The following ABCA6 variants were observed in gnomAD, a reference collection of about 807,000 sequenced individuals.
ABCA6 encodes ATP binding cassette subfamily A member 6.
A neutral mutation model predicts 191.2 loss-of-function variants in ABCA6; 164 were observed. The ratio of observed to expected loss-of-function variants is 0.86; its 90% CI spans 0.76 to 0.98. ABCA6 has a LOEUF of 0.98. Ranked by LOEUF, ABCA6 falls within the 50% of genes least tolerant of loss-of-function variation. The probability of loss-of-function intolerance (pLI) is 0.00; values close to 1 mark genes in which losing one functional copy is unlikely to be tolerated. For synonymous variants in ABCA6, 636 were observed against 647.7 expected (o/e 0.98, Z 0.27); for missense variants, 1,958 against 1,894.1 (o/e 1.03, Z -0.63).
At chr17:69,111,437 CAT>C (rs1359307711) in intron 16 of ABCA6, 2 of 152,926 alleles carry the variant, frequency 1.3e-5, no homozygotes, top group East Asian at 1.9e-4. Context: ...ATAATTCCCA[CAT>C]GTCATAGGAG....
chr17:69,105,402 T>G, intron 20 of ABCA6, 60 bp downstream of exon 20: 11 of 1,354,818 alleles, frequency 8.1e-6, no homozygotes, highest in East Asian at 5.2e-5. Flanking sequence ...CCCCACCTCC[T>G]GTGCTATTCA....
At chr17:69,084,136 T>C in intron 34 of ABCA6, 125 bp downstream of exon 34, 1 of 792,278 alleles carries the variant, frequency 1.3e-6, no homozygotes, top group Non-Finnish European at 2.0e-6. Context: ...GTTTTCCTGA[T>C]AATATAAATT....
In ABCA6 at chr17:69,082,939, G is replaced by T. The variant is rs377673526; in HGVS notation, c.4550C>A (p.Thr1517Lys). ...DYILELKVKETSQVTLVHTEI... is the reference protein window; with the variant it reads ...DYILELKVKEKSQVTLVHTEI... ...AGTGTGGACCAAAGTCACTTGAGACGTTTCCTTCACTTTTAGCTCTAGAAT... is the reference window on the plus strand; with the variant it reads ...AGTGTGGACCAAAGTCACTTGAGACTTTTCCTTCACTTTTAGCTCTAGAAT... The change falls in exon 36 of 39, where the codon ACG becomes AAG. Residue 1517 changes from threonine (T) to lysine (K), a missense_variant. Physicochemically the swap from Thr to Lys is moderately conservative, Grantham distance 78 (BLOSUM62 -1). Transcript: ENST00000284425. 26 of 1,614,064 alleles carry T rather than the reference G, an allele frequency of 1.6e-5. No individual in the cohort carries two copies. In the African/African-American group the frequency reaches 3.3e-4, roughly 21 times the overall value.
rs144256500 is a variant in ABCA6 at position 69,086,658 on chromosome 17, C to A, written c.3897G>T (p.Lys1299Asn). 1.7e-5 allele frequency: 27 copies of A among 1,612,638 alleles called. No homozygotes were observed. The highest frequency in any genetic ancestry group is 1.1e-4 in the African/African-American group (8 of 74,838). ...QKKSCFSKRKKKIAARNISFC... is the reference protein window; with the variant it reads ...QKKSCFSKRKNKIAARNISFC... ...AAGAGATATTTCTTGCTGCTATTTTCTTCTTCCTCTTTGAAAAGCAACTTT... is the reference window on the plus strand; with the variant it reads ...AAGAGATATTTCTTGCTGCTATTTTATTCTTCCTCTTTGAAAAGCAACTTT... The change falls in exon 30 of 39, where the codon AAG becomes AAT. Residue 1299 changes from lysine to asparagine, a missense_variant. Lys to Asn is a moderately conservative substitution (Grantham distance 94, BLOSUM62 0). Transcript: ENST00000284425.
At chr17:69,095,751 G>A (rs1016953406) in intron 25 of ABCA6, among the ~76,000 whole-genome samples, 1 of 152,278 alleles carries the variant, frequency 6.6e-6, no homozygotes, top group East Asian at 1.9e-4. Context: ...GGGCACTCTG[G>A]TGTCTCTAGA....
At chr17:69,121,904 G>T (rs2073654182) in intron 10 of ABCA6, among the ~76,000 whole-genome samples, 1 of 152,006 alleles carries the variant, frequency 6.6e-6, no homozygotes, top group African/African-American at 2.4e-5. Flanking sequence ...CTCCTAGCTA[G>T]AGCAGAGGAA....
At chr17:69,109,375 CA>C (rs2073373502) in intron 17 of ABCA6, 1 of 152,154 alleles carries the variant, frequency 6.6e-6, no homozygotes, top group Admixed American at 6.6e-5. Flanking sequence ...AAACATTACA[CA>C]AAGAGCAAGT....
Position 69,115,337 on chromosome 17 carries a change from A to G in ABCA6, c.1606+39T>C, listed in dbSNP as rs201706316. 4.1e-6 allele frequency: 6 copies of G among 1,478,110 alleles called. No individual in the cohort carries two copies. The East Asian group carries it at 9.1e-5, about 23-fold the overall frequency. 91.6% of individuals were successfully genotyped at this position (1,478,110 alleles called of 1,614,324 possible). ...GGCATATGCTTGACCTCATTCTATT[A>G]TAAGACATCTTGCCTTTGAGAAATT... On this transcript the variant is annotated intron_variant, in intron 12 of 38. Coordinates refer to ENST00000284425, the MANE Select transcript of ABCA6 (RefSeq NM_080284.3).
chr17:69,105,931 G>A (rs2073291821), intron 19 of ABCA6, 97 bp downstream of exon 19: 1 of 1,311,302 alleles, frequency 7.6e-7, no homozygotes, highest in Non-Finnish European at 1.0e-6. Flanking sequence ...CCCGTGGCAG[G>A]AATGTCAGAT....
chr17:69,118,214 T>G (rs2073571948), intron 10 of ABCA6, among the ~76,000 whole-genome samples: 1 of 152,072 alleles, frequency 6.6e-6, no homozygotes, highest in Non-Finnish European at 1.5e-5. Flanking sequence ...TGTGTAATTA[T>G]CCTCACTTTC....
At chr17:69,115,297 A>C (rs200663094) in intron 12 of ABCA6, 79 bp downstream of exon 12, 2 of 1,016,916 alleles carry the variant, frequency 2.0e-6, no homozygotes, top group East Asian at 5.1e-5. Context: ...ATCAAATTTA[A>C]AATTTAAAAT....
intron 6 of ABCA6, among the ~76,000 whole-genome samples, chr17:69,130,109 A>G (rs1598058153): frequency 6.6e-6 from 1 of 152,072 alleles, no homozygotes; most frequent in South Asian, 2.1e-4. Flanking sequence ...TGAGGTCAAG[A>G]GTTCCAGACC....
chr17:69,124,426 A>G (rs2077241874), intron 9 of ABCA6, among the ~76,000 whole-genome samples: 1 of 151,992 alleles, frequency 6.6e-6, no homozygotes, highest in East Asian at 1.9e-4. Flanking sequence ...CGATCAATAT[A>G]CTTCTGTAAA....
chr17:69,092,896 A>G (rs1455906644), intron 25 of ABCA6, among the ~76,000 whole-genome samples: 1 of 152,248 alleles, frequency 6.6e-6, no homozygotes, highest in African/African-American at 2.4e-5. Context: ...TATATTTTCA[A>G]CACATATTTA....
chr17:69,101,657 A>C (rs1013576408), intron 21 of ABCA6, among the ~76,000 whole-genome samples: 1 of 151,936 alleles, frequency 6.6e-6, no homozygotes, highest in Non-Finnish European at 1.5e-5. Flanking sequence ...ATAGGAGATA[A>C]GCATGGAGTT....
At position 69,140,735 on chromosome 17, in the gene ABCA6, T is replaced by A; in HGVS notation, c.-32A>T. On this transcript the variant is annotated 5_prime_UTR_variant, in exon 2 of 39. An upstream start codon of the reference 5' UTR is lost. Coordinates refer to ENST00000284425, the MANE Select transcript of ABCA6 (RefSeq NM_080284.3). ...TATTCGCTGAAGGAGAAAGTAATCATGGTGGAACACAACCTAGAAAAAAAT... is the reference window on the plus strand; with the variant it reads ...TATTCGCTGAAGGAGAAAGTAATCAAGGTGGAACACAACCTAGAAAAAAAT... 1.4e-6 allele frequency: 2 copies of A among 1,438,600 alleles called. No individual in the cohort carries two copies. The highest frequency in any genetic ancestry group is 1.9e-6 in the Non-Finnish European group (2 of 1,065,240). The allele number at this position is 1,438,600 out of a possible 1,614,324, so 89.1% of individuals were successfully genotyped here. A position where few individuals can be genotyped will look rare whatever the true frequency, so the allele number is the denominator to read the frequency against.
Position 69,098,014 on chromosome 17 carries a change from A to C in ABCA6, c.3026T>G (p.Leu1009Arg). The change falls in exon 23 of 39, where the codon CTC (leucine) becomes CGC (arginine). Residue 1009 changes from leucine to arginine, a missense_variant. Physicochemically the swap from Leu to Arg is moderately radical, Grantham distance 102. Coordinates refer to ENST00000284425, the MANE Select transcript of ABCA6 (RefSeq NM_080284.3). ...GGAACCATCCGGCAACCCAGTCCAG[A>C]GTCCTATGTGGCTCTGAAAATATAA... is the stretch of plus-strand genomic sequence containing the variant. ...SSPFPLSHIG[L>R]WTGLPDGSFF... The C allele has an allele frequency of 6.3e-7, 1 of 1,597,632 alleles. No individual in the cohort carries two copies.
intron 8 of ABCA6, 55 bp from the exon 9 acceptor site, chr17:69,125,090 CA>C: frequency 1.0e-6 from 1 of 983,450 alleles, no homozygotes; most frequent in Non-Finnish European, 1.4e-6. Flanking sequence ...AATAGCTTGG[CA>C]TAGCAGGAAA....
intron 8 of ABCA6, among the ~76,000 whole-genome samples, chr17:69,128,155 T>C (rs2144703556): frequency 6.6e-6 from 1 of 152,214 alleles, no homozygotes; most frequent in African/African-American, 2.4e-5. Context: ...GAGGGGTTTG[T>C]GACTGGTGGC....
Sources: allele counts gnomAD v4.1 joint callset (sites outside exome capture counted in the v4.1 genomes callset), GRCh38; gene constraint gnomAD v4.1.1; transcripts MANE v1.5; gene names NCBI Gene and HGNC (gene_info 2026-07-23, HGNC 2026-07-21).